BRAF: variants seen among roughly 807,000 people sequenced by gnomAD.
BRAF encodes B-Raf proto-oncogene, serine/threonine kinase.
In BRAF, 16 loss-of-function variants were observed where a neutral mutation model predicts 104.6. The ratio of observed to expected loss-of-function variants is 0.15; its 90% confidence interval spans 0.10 to 0.23. The LOEUF (loss-of-function observed/expected upper bound fraction) is 0.23, where lower values mean the gene tolerates loss of function less well. Among genes scored for constraint, BRAF ranks in the 10% least tolerant of loss-of-function variants. BRAF has a pLI of 1.00. For synonymous variants in BRAF, 310 were observed against 341.6 expected, an observed-to-expected ratio of 0.91 and a Z score of 1.02; for missense variants, 541 against 937.3, an observed-to-expected ratio of 0.58 and a Z score of 5.52.
intron 1 of BRAF, among the ~76,000 whole-genome samples, chr7:140,882,566 T>C (rs974565204): frequency 2.0e-5 from 3 of 151,878 alleles, no homozygotes; most frequent in African/African-American, 4.8e-5. Context: ...TTAGTAGAGA[T>C]TGGGTTTCAC....
At chr7:140,889,185 T>A (rs1384674915) in intron 1 of BRAF, among the ~76,000 whole-genome samples, 1 of 152,160 alleles carries the variant, frequency 6.6e-6, no homozygotes, top group Non-Finnish European at 1.5e-5. Context: ...AACTGGCTTT[T>A]AAAAAATTAT....
intron 1 of BRAF, among the ~76,000 whole-genome samples, chr7:140,886,057 G>A (rs1362980503): frequency 6.6e-6 from 1 of 152,112 alleles, no homozygotes; most frequent in Non-Finnish European, 1.5e-5. Context: ...GACAAGGACC[G>A]AATGTCCTGA....
At chr7:140,829,540 C>T (rs1798862398) in intron 3 of BRAF, among the ~76,000 whole-genome samples, 1 of 151,808 alleles carries the variant, frequency 6.6e-6, no homozygotes, top group Non-Finnish European at 1.5e-5. Context: ...TTCTAGATAC[C>T]TATTATATTC....
At chr7:140,802,939 T>G (rs776668300) in intron 5 of BRAF, among the ~76,000 whole-genome samples, 4 of 152,208 alleles carry the variant, frequency 2.6e-5, no homozygotes, top group Non-Finnish European at 4.4e-5. Flanking sequence ...TTTCCAGTCC[T>G]AAAAGCTCTG....
intron 3 of BRAF, among the ~76,000 whole-genome samples, chr7:140,832,525 A>G (rs1201387938): frequency 2.0e-5 from 3 of 152,062 alleles, no homozygotes; most frequent in Admixed American, 6.6e-5. Flanking sequence ...GATTCAGATA[A>G]AAGAGAGAAT....
Position 140,866,256 on chromosome 7 carries a change from C to T in BRAF, c.139-16044G>A, listed in dbSNP as rs188065812. On this transcript the variant is annotated intron_variant, in intron 1 of 19. Coordinates refer to ENST00000644969, the MANE Select transcript of BRAF (RefSeq NM_001374258.1). ...AACAATATACATATCATGTTTCCTG[C>T]GTTTTGGTACAACTCCTGGTCATAA... 3.3e-5 allele frequency among the ~76,000 whole-genome samples: 5 copies of T among 152,284 alleles called. No individual in the cohort carries two copies. The East Asian group carries it at 9.6e-4, about 29-fold the overall frequency.
intron 14 of BRAF, among the ~76,000 whole-genome samples, chr7:140,764,845 T>C (rs1175104261): frequency 5.3e-5 from 8 of 152,180 alleles, no homozygotes; most frequent in Admixed American, 3.9e-4. Context: ...GGTAGAAGAA[T>C]CAGTTATCAT....
intron 1 of BRAF, among the ~76,000 whole-genome samples, chr7:140,889,068 G>C (rs1813913638): frequency 6.6e-6 from 1 of 152,132 alleles, no homozygotes; most frequent in South Asian, 2.1e-4. Context: ...TACATCGTAG[G>C]ATTCACTCAA....
chr7:140,848,528 G>A (rs1562993639), intron 2 of BRAF, among the ~76,000 whole-genome samples: 1 of 152,184 alleles, frequency 6.6e-6, no homozygotes, highest in Non-Finnish European at 1.5e-5. Flanking sequence ...TGAGGAGGGG[G>A]CAGTGAATCA....
At chr7:140,802,292 C>CTTTTTTT (rs144953895) in intron 5 of BRAF, among the ~76,000 whole-genome samples, 1 of 103,308 alleles carries the variant, frequency 9.7e-6, no homozygotes, top group Non-Finnish European at 1.8e-5. Context: ...ATGTTTGTGT[C>CTTTTTTT]TTTTTTTTTT....
Position 140,749,436 on chromosome 7 carries a change from G to C in BRAF, c.1981-18C>G, listed in dbSNP as rs369889467. ...TCTGGTGCCTGTTAGAACATACAAA[G>C]AAAAATATTCTTCACTTCAATTGAA... is the stretch of plus-strand genomic sequence containing the variant. On this transcript the variant is annotated intron_variant, in intron 16 of 19. Transcript: ENST00000644969. 1.2e-6 allele frequency: 2 copies of C among 1,611,260 alleles called. No individual in the cohort carries two copies. The highest frequency in any genetic ancestry group is 2.7e-5 in the African/African-American group (2 of 74,790).
At chr7:140,735,645 C>T (rs1444490216) in intron 18 of BRAF, among the ~76,000 whole-genome samples, 1 of 152,006 alleles carries the variant, frequency 6.6e-6, no homozygotes, top group Non-Finnish European at 1.5e-5. Context: ...CAACCTCCCC[C>T]TCCTGGGTTC....
At chr7:140,868,201 G>A (rs1206903974) in intron 1 of BRAF, among the ~76,000 whole-genome samples, 1 of 152,166 alleles carries the variant, frequency 6.6e-6, no homozygotes, top group Non-Finnish European at 1.5e-5. Context: ...ATGCTTTGGA[G>A]TGGCTTTTGT....
At position 140,924,807 on chromosome 7, in the gene BRAF, G is replaced by A. The variant is rs1176082930; in HGVS notation, c.-104C>T. 10 of 403,162 alleles carry A rather than the reference G, an allele frequency of 2.5e-5. No individual in the cohort carries two copies. The highest frequency in any genetic ancestry group is 3.5e-5 in the Non-Finnish European group (8 of 230,490). The allele number at this position is 403,162 out of a possible 1,614,324, so 25.0% of individuals were successfully genotyped here. ...GAGGCGGAGGCGGAGGCGGAGGAGC[G>A]GGGGGCGCGGGGGGCGCGGGGAGGA... is the stretch of plus-strand genomic sequence containing the variant. On this transcript the variant is annotated 5_prime_UTR_variant, in exon 1 of 20. Transcript: ENST00000644969. The surrounding 1 kb of genome is among the most constrained non-coding windows in gnomAD (Gnocchi z 4.2).
intron 19 of BRAF, among the ~76,000 whole-genome samples, chr7:140,730,417 G>A (rs1313851400): frequency 6.6e-6 from 1 of 151,946 alleles, no homozygotes; most frequent in East Asian, 1.9e-4. Flanking sequence ...ACCCAGGCTG[G>A]AGTGCAGTGG....
chr7:140,759,386 T>C lies in BRAF; in HGVS notation c.1815-5153A>G, dbSNP rs373700390. Among the ~76,000 whole-genome samples, 26 of 152,330 alleles carry C rather than the reference T, an allele frequency of 1.7e-4. 1 individual carries two copies. Among genetic ancestry groups the C allele is most frequent in the South Asian group, 8.3e-4 (4 of 4,830 alleles). On this transcript the variant is annotated intron_variant, in intron 14 of 19. Transcript: ENST00000644969. ...TACTTTGTATTGCTGGTTCTGATTATAGGTTATTTATTTATTTAAGATGGA... is the reference window on the plus strand; with the variant it reads ...TACTTTGTATTGCTGGTTCTGATTACAGGTTATTTATTTATTTAAGATGGA...
intron 1 of BRAF, among the ~76,000 whole-genome samples, chr7:140,879,792 C>T (rs185299919): frequency 3.3e-5 from 5 of 150,366 alleles, no homozygotes; most frequent in East Asian, 2.0e-4. Context: ...AGTACAGTGG[C>T]GTGATTTTGG....
chr7:140,886,914 G>A (rs1410403368), intron 1 of BRAF, among the ~76,000 whole-genome samples: 1 of 152,166 alleles, frequency 6.6e-6, no homozygotes, highest in Non-Finnish European at 1.5e-5. Context: ...ACTTTAGGAT[G>A]TTTAATCTGG....
chr7:140,836,539 T>C (rs1284940324), intron 2 of BRAF, among the ~76,000 whole-genome samples: 1 of 152,138 alleles, frequency 6.6e-6, no homozygotes, highest in East Asian at 1.9e-4. Flanking sequence ...TTAAACTTCA[T>C]CAAAAGGTCT....
Sources: gnomAD v4.1 joint callset for allele counts (sites outside exome capture counted in the v4.1 genomes callset) on GRCh38, gnomAD v4.1.1 for gene constraint, Gnocchi (gnomAD v3.1) non-coding constraint, MANE v1.5 for transcripts, NCBI Gene and HGNC (gene_info 2026-07-23, HGNC 2026-07-21) for gene names.